Variants in MAD1L1 observed in about 807,000 individuals in gnomAD.
The protein encoded by MAD1L1 is mitotic arrest deficient 1 like 1.
A neutral mutation model predicts 96.9 loss-of-function variants in MAD1L1; 95 were observed. That is an observed-to-expected ratio of 0.98 (90% confidence interval 0.83 to 1.16). The LOEUF is 1.16. MAD1L1 is among the 50% of genes most tolerant of loss of function. MAD1L1 has a pLI of 0.00. For missense variants in MAD1L1, 1,007 were observed against 954.4 expected (o/e 1.06, Z -0.73); for synonymous variants, 473 against 396.6 (o/e 1.19, Z -2.29).
intron 17 of MAD1L1, among the ~76,000 whole-genome samples, chr7:1,911,529 C>A (rs1788014936): frequency 6.6e-6 from 1 of 150,660 alleles, no homozygotes; most frequent in Non-Finnish European, 1.5e-5. Context: ...ACTCAGAACG[C>A]ATGGTGCTCA....
Position 2,165,174 on chromosome 7 carries a change from A to G in MAD1L1, c.987-15936T>C, listed in dbSNP as rs557820721. On this transcript the variant is annotated intron_variant, in intron 10 of 18. Transcript: ENST00000265854. ...AGCCGAGATCGCACCATTGCACTCC[A>G]GCCTGGGCGACAAAGTGAGACTCCA... Among the ~76,000 whole-genome samples, 35 of 152,056 alleles carry G rather than the reference A, an allele frequency of 2.3e-4. 1 individual carries two copies. The South Asian group carries it at 5.8e-3, about 25-fold the overall frequency.
At chr7:2,104,914 G>A (rs919185635) in intron 11 of MAD1L1, among the ~76,000 whole-genome samples, 1 of 152,156 alleles carries the variant, frequency 6.6e-6, no homozygotes, top group African/African-American at 2.4e-5. Context: ...CAAGCCCTGG[G>A]GACTCTTTCC....
intron 11 of MAD1L1, among the ~76,000 whole-genome samples, chr7:2,113,698 C>T (rs186922277): frequency 6.6e-6 from 1 of 152,292 alleles, no homozygotes; most frequent in Non-Finnish European, 1.5e-5. Context: ...GCCAGGTGAC[C>T]GGAGTGACCA....
At chr7:1,923,665 G>A (rs938275953) in intron 17 of MAD1L1, among the ~76,000 whole-genome samples, 6 of 152,270 alleles carry the variant, frequency 3.9e-5, no homozygotes, top group African/African-American at 1.2e-4. Flanking sequence ...GGCTGTGGCC[G>A]TGGGACTGAC....
At chr7:2,220,938 A>G (rs766998453) in intron 5 of MAD1L1, 8 of 1,612,280 alleles carry the variant, frequency 5.0e-6, no homozygotes, top group Non-Finnish European at 5.1e-6. Flanking sequence ...CCACAGGGTC[A>G]CCCGTGTTGT....
chr7:2,220,163 T>C (rs559611340), intron 5 of MAD1L1, among the ~76,000 whole-genome samples: 7 of 152,254 alleles, frequency 4.6e-5, no homozygotes, highest in African/African-American at 1.2e-4. Context: ...ACGGAGGCTG[T>C]GCAAGGGGCA....
chr7:2,218,083 G>T, intron 6 of MAD1L1, 40 bp from the exon 7 acceptor site: 2 of 1,491,118 alleles, frequency 1.3e-6, no homozygotes, highest in Non-Finnish European at 1.9e-6. Context: ...AAACAGGCAT[G>T]CGGCAAGGCC....
At chr7:1,858,569 A>G (rs1172042575) in intron 18 of MAD1L1, among the ~76,000 whole-genome samples, 1 of 151,772 alleles carries the variant, frequency 6.6e-6, no homozygotes, top group Non-Finnish European at 1.5e-5. Flanking sequence ...GGTCTTGCTG[A>G]CCCTGTCCCG....
intron 11 of MAD1L1, among the ~76,000 whole-genome samples, chr7:2,139,424 G>A (rs1051197824): frequency 1.3e-5 from 2 of 152,166 alleles, no homozygotes; most frequent in African/African-American, 4.8e-5. Context: ...AGCAGTGAAG[G>A]TGACTCCCCC....
rs180842881 is a variant in MAD1L1, at chr7:2,033,364, T to A, written c.1219-18722A>T. Among the ~76,000 whole-genome samples the A allele has an allele frequency of 2.5e-3, 384 of 152,312 alleles. 2 individuals carry two copies. Among genetic ancestry groups the A allele is most frequent in the African/African-American group, 8.6e-3 (356 of 41,578 alleles). The stretch of plus-strand genomic sequence containing the variant: ...TAAAGGAAACAAGATGGATACTCCA[T>A]GGAGCAAGGCCCTGAAAGGCTGTGG... On this transcript the variant is annotated intron_variant, in intron 12 of 18. Transcript: ENST00000265854.
At chr7:2,108,091 A>T (rs917903792) in intron 11 of MAD1L1, among the ~76,000 whole-genome samples, 2 of 152,046 alleles carry the variant, frequency 1.3e-5, no homozygotes, top group Non-Finnish European at 2.9e-5. Context: ...GATCATTTTT[A>T]AATACAAGGA....
In MAD1L1 at chr7:1,924,588, C is replaced by T. The variant is rs1025866296; in HGVS notation, c.1807+12099G>A. ...GTGAGGACACTGCTGGGCAAGCAAACGCTGAGAGAACCTACTCTAAAGAAG... is the reference window on the plus strand; with the variant it reads ...GTGAGGACACTGCTGGGCAAGCAAATGCTGAGAGAACCTACTCTAAAGAAG... On this transcript the variant is annotated intron_variant, in intron 17 of 18. Coordinates refer to ENST00000265854, the MANE Select transcript of MAD1L1 (RefSeq NM_001013836.2). Among the ~76,000 whole-genome samples the T allele has an allele frequency of 5.3e-5, 8 of 152,286 alleles. No homozygotes were observed. In the South Asian group the frequency reaches 1.2e-3, roughly 24 times the overall value.
At chr7:1,981,220 G>A (rs542635938) in intron 14 of MAD1L1, among the ~76,000 whole-genome samples, 3 of 152,302 alleles carry the variant, frequency 2.0e-5, no homozygotes, top group East Asian at 1.9e-4. Context: ...ACCCGCCTCC[G>A]CCTCCCAAAG....
intron 3 of MAD1L1, among the ~76,000 whole-genome samples, chr7:2,228,886 G>A (rs1410947897): frequency 6.6e-6 from 1 of 151,900 alleles, no homozygotes; most frequent in Non-Finnish European, 1.5e-5. Context: ...GACTACAGGT[G>A]CCACGCCCAG....
chr7:2,188,036 G>A (rs1357943228), intron 10 of MAD1L1, among the ~76,000 whole-genome samples: 1 of 152,196 alleles, frequency 6.6e-6, no homozygotes, highest in East Asian at 1.9e-4. Flanking sequence ...TGATTAGCTT[G>A]TAATTTCTTT....
rs755218512 is a variant in MAD1L1 at position 1,968,288 on chromosome 7, G to A, written c.1506-10569C>T. 3.3e-5 allele frequency among the ~76,000 whole-genome samples: 5 copies of A among 149,884 alleles called. No individual in the cohort carries two copies. In the Middle Eastern group the frequency reaches 0.011, roughly 323 times the overall value. ...CGGTCTTGTCCACATCAACGCCTCA[G>A]TCCAGCGGTCAGGTCCACTGTCAAC... On this transcript the variant is annotated intron_variant, in intron 15 of 18. Coordinates refer to ENST00000265854, the MANE Select transcript of MAD1L1 (RefSeq NM_001013836.2). The surrounding 1 kb of genome is among the most constrained non-coding windows in gnomAD (Gnocchi z 5.6).
At chr7:2,043,236 C>T (rs913447478) in intron 12 of MAD1L1, among the ~76,000 whole-genome samples, 1 of 152,158 alleles carries the variant, frequency 6.6e-6, no homozygotes, top group African/African-American at 2.4e-5. Flanking sequence ...GCATCCACGC[C>T]CCTGTCCCAT....
chr7:2,050,665 C>T (rs1318526251), intron 12 of MAD1L1, among the ~76,000 whole-genome samples: 2 of 147,534 alleles, frequency 1.4e-5, no homozygotes, highest in African/African-American at 4.9e-5. Flanking sequence ...ACTTACAAGG[C>T]TCTTGGGTGT....
chr7:2,055,777 G>A (rs1784365679), intron 12 of MAD1L1, among the ~76,000 whole-genome samples: 2 of 151,580 alleles, frequency 1.3e-5, no homozygotes, highest in Admixed American at 1.3e-4. Context: ...TCAGGAGTTC[G>A]AGACCAGCCT....
Sources: allele counts gnomAD v4.1 joint callset (sites outside exome capture counted in the v4.1 genomes callset), GRCh38; gene constraint gnomAD v4.1.1; non-coding constraint Gnocchi (gnomAD v3.1); transcripts MANE v1.5; gene names NCBI Gene and HGNC (gene_info 2026-07-23, HGNC 2026-07-21).